The following HTR1E variants were observed in gnomAD, a reference collection of about 807,000 sequenced individuals.
The protein encoded by HTR1E is 5-HT-1E.
Under a neutral mutation model 3.4 loss-of-function variants are expected in HTR1E, and 3 were observed. The observed-to-expected ratio is 0.89, with a 90% CI of 0.41 to 2.31. HTR1E has a LOEUF of 2.31. HTR1E is among the 30% of genes most tolerant of loss of function. The pLI is 0.05. For missense variants in HTR1E, 392 were observed against 467.0 expected, an observed-to-expected ratio of 0.84 and a Z score of 1.48; for synonymous variants, 170 against 182.8, an observed-to-expected ratio of 0.93 and a Z score of 0.56.
At position 86,937,643 on chromosome 6, in the gene HTR1E, G is replaced by A. The variant is rs1036472527; in HGVS notation, c.-366G>A. The A allele has an allele frequency of 1.3e-5, 2 of 152,778 alleles. No individual in the cohort carries two copies. Among genetic ancestry groups the A allele is most frequent in the Non-Finnish European group, 1.5e-5 (1 of 68,144 alleles). 9.5% of individuals were successfully genotyped at this position (152,778 alleles called of 1,614,324 possible). On this transcript the variant is annotated 5_prime_UTR_variant, in exon 1 of 2. Coordinates refer to ENST00000305344, the MANE Select transcript of HTR1E (RefSeq NM_000865.3). The stretch of plus-strand genomic sequence containing the variant: ...GCCGCACCCCGGCGGGCACTGGCGC[G>A]GGCAAGGACGCTGGCGGGGAGAACG...
chr6:86,943,415 C>T (rs765291192), intron 1 of HTR1E, among the ~76,000 whole-genome samples: 2 of 152,194 alleles, frequency 1.3e-5, no homozygotes, highest in African/African-American at 4.8e-5. Flanking sequence ...CCCAACTCTA[C>T]GGACCTGGGG....
chr6:86,973,047 T>C (rs984504511), intron 1 of HTR1E, among the ~76,000 whole-genome samples: 3 of 152,220 alleles, frequency 2.0e-5, no homozygotes, highest in Non-Finnish European at 2.9e-5. Flanking sequence ...TACAGTTGTA[T>C]TTCACAGCTT....
At chr6:87,012,192 C>G (rs1338410299) in intron 1 of HTR1E, among the ~76,000 whole-genome samples, 1 of 152,142 alleles carries the variant, frequency 6.6e-6, no homozygotes, top group Non-Finnish European at 1.5e-5. Flanking sequence ...ACCCCTCTCC[C>G]CAACCAAACC....
At chr6:86,944,817 T>C (rs1400203247) in intron 1 of HTR1E, among the ~76,000 whole-genome samples, 1 of 152,228 alleles carries the variant, frequency 6.6e-6, no homozygotes, top group Non-Finnish European at 1.5e-5. Flanking sequence ...TCATCGCTAT[T>C]GCAATGTTGT....
chr6:87,009,206 C>A (rs865925715), intron 1 of HTR1E, among the ~76,000 whole-genome samples: 2 of 150,126 alleles, frequency 1.3e-5, no homozygotes, highest in East Asian at 4.0e-4. Context: ...GAGGACCCTG[C>A]GGCCTTCCGC....
intron 1 of HTR1E, chr6:86,970,968 C>T (rs1277188457): frequency 1.3e-5 from 5 of 392,412 alleles, no homozygotes; most frequent in Admixed American, 1.2e-4. Context: ...ACAGATAACA[C>T]TTTGCTCAAT....
chr6:86,975,954 C>T (rs1320793904), intron 1 of HTR1E, among the ~76,000 whole-genome samples: 1 of 151,862 alleles, frequency 6.6e-6, no homozygotes, highest in East Asian at 1.9e-4. Context: ...CACACTCTCT[C>T]TCTCTCTCCC....
At chr6:87,012,449 A>G (rs1449831464) in intron 1 of HTR1E, among the ~76,000 whole-genome samples, 2 of 152,304 alleles carry the variant, frequency 1.3e-5, no homozygotes, top group Middle Eastern at 3.4e-3. Flanking sequence ...TTTGGGTACT[A>G]TGCTTATTAC....
intron 1 of HTR1E, among the ~76,000 whole-genome samples, chr6:87,003,052 C>T (rs1407021766): frequency 6.6e-6 from 1 of 152,100 alleles, no homozygotes; most frequent in Non-Finnish European, 1.5e-5. Context: ...GGATCATTCT[C>T]AAGGATAGAC....
intron 1 of HTR1E, among the ~76,000 whole-genome samples, chr6:86,972,615 CTAA>C (rs1235677397): frequency 2.0e-5 from 3 of 152,084 alleles, no homozygotes; most frequent in Non-Finnish European, 4.4e-5. Flanking sequence ...TTCTAAATTT[CTAA>C]TAATAATGGC....
At chr6:86,996,311 G>A (rs1342706447) in intron 1 of HTR1E, among the ~76,000 whole-genome samples, 1 of 151,972 alleles carries the variant, frequency 6.6e-6, no homozygotes, top group Non-Finnish European at 1.5e-5. Context: ...AGTATAACAG[G>A]AAAATCTCTA....
chr6:86,953,512 G>C (rs555732954), intron 1 of HTR1E, among the ~76,000 whole-genome samples: 1 of 152,266 alleles, frequency 6.6e-6, no homozygotes, highest in South Asian at 2.1e-4. Context: ...GTGGTTAGAA[G>C]GGACTAGGCC....
At chr6:87,010,492 C>T (rs1453886258) in intron 1 of HTR1E, among the ~76,000 whole-genome samples, 2 of 148,278 alleles carry the variant, frequency 1.3e-5, no homozygotes, top group Non-Finnish European at 3.0e-5. Context: ...GGCAGAGGCG[C>T]TCCTCACATC....
intron 1 of HTR1E, chr6:86,971,302 T>A (rs1309175993): frequency 3.6e-6 from 1 of 274,390 alleles, no homozygotes; most frequent in Non-Finnish European, 7.0e-6. Flanking sequence ...CAAATACTTA[T>A]TCTCTGTTAG....
chr6:87,015,962 A>T lies in HTR1E; in HGVS notation c.628A>T (p.Lys210Ter). 6.2e-7 allele frequency: 1 copy of T among 1,614,220 alleles called. No homozygotes were observed. The highest frequency in any genetic ancestry group is 8.5e-7 in the Non-Finnish European group (1 of 1,180,044). The change falls in exon 2 of 2, where the codon AAG becomes TAG. Residue 210 changes from lysine to a stop codon, truncating the protein, a stop_gained. Coordinates refer to ENST00000305344, the MANE Select transcript of HTR1E (RefSeq NM_000865.3). LOFTEE classifies it low-confidence loss of function (END_TRUNC). ...ILYYRIYHAA[K>*]SLYQKRGSSR... ...CTATTACCGGATTTACCACGCGGCCAAGAGCCTTTACCAGAAAAGGGGATC... is the reference window on the plus strand; with the variant it reads ...CTATTACCGGATTTACCACGCGGCCTAGAGCCTTTACCAGAAAAGGGGATC...
At chr6:86,944,716 T>C (rs1194659710) in intron 1 of HTR1E, among the ~76,000 whole-genome samples, 2 of 152,268 alleles carry the variant, frequency 1.3e-5, no homozygotes, top group African/African-American at 4.8e-5. Flanking sequence ...ATGCAGCACA[T>C]TGACAATATT....
chr6:87,009,349 C>T (rs1267322618), intron 1 of HTR1E, among the ~76,000 whole-genome samples: 1 of 151,750 alleles, frequency 6.6e-6, no homozygotes, highest in African/African-American at 2.4e-5. Context: ...GTGGACACAG[C>T]ACATGTTTCA....
chr6:86,980,763 G>T (rs779466062), intron 1 of HTR1E, among the ~76,000 whole-genome samples: 5 of 152,118 alleles, frequency 3.3e-5, no homozygotes, highest in African/African-American at 1.2e-4. Context: ...TCCTCTTAAA[G>T]AGTAAAGTGT....
At chr6:86,967,213 C>A (rs1767483210) in intron 1 of HTR1E, among the ~76,000 whole-genome samples, 1 of 152,058 alleles carries the variant, frequency 6.6e-6, no homozygotes, top group Non-Finnish European at 1.5e-5. Flanking sequence ...GGGAAAAAAA[C>A]AGCAACTGGG....
Sources: gnomAD v4.1 joint callset for allele counts (sites outside exome capture counted in the v4.1 genomes callset) on GRCh38, gnomAD v4.1.1 for gene constraint, MANE v1.5 for transcripts, NCBI Gene and HGNC (gene_info 2026-07-23, HGNC 2026-07-21) for gene names.